The following SPOCK1 variants were observed in gnomAD, a reference collection of about 807,000 sequenced individuals.
SPOCK1 encodes SPARC (osteonectin), cwcv and kazal like domains proteoglycan 1.
In SPOCK1, 23 loss-of-function variants were observed where a neutral mutation model predicts 55.3. That is an observed-to-expected ratio of 0.42 (90% CI 0.30 to 0.59). The LOEUF (loss-of-function observed/expected upper bound fraction) is 0.59, where lower values mean the gene tolerates loss of function less well. SPOCK1 is among the 20% of genes least tolerant of loss of function. SPOCK1 has a pLI of 0.22. For synonymous variants in SPOCK1, 226 were observed against 221.0 expected (o/e 1.02, Z -0.20); for missense variants, 499 against 552.5 (o/e 0.90, Z 0.97).
intron 3 of SPOCK1, among the ~76,000 whole-genome samples, chr5:137,192,523 G>A (rs942448635): frequency 6.6e-6 from 1 of 152,172 alleles, no homozygotes; most frequent in African/African-American, 2.4e-5. Context: ...TGCCTCCCTG[G>A]CATCTGCCTG....
At chr5:137,419,102 G>C (rs950738798) in intron 2 of SPOCK1, among the ~76,000 whole-genome samples, 2 of 152,210 alleles carry the variant, frequency 1.3e-5, no homozygotes, top group African/African-American at 4.8e-5. Context: ...TCAAAGATCA[G>C]ATGGTTGTAG....
At chr5:137,089,022 G>A (rs1753009319) in intron 5 of SPOCK1, among the ~76,000 whole-genome samples, 1 of 152,180 alleles carries the variant, frequency 6.6e-6, no homozygotes, top group Non-Finnish European at 1.5e-5. Context: ...CGAGAGAGGA[G>A]GCCAGGAGAG....
chr5:137,378,022 G>A (rs377561555), intron 2 of SPOCK1, among the ~76,000 whole-genome samples: 335 of 133,350 alleles, frequency 2.5e-3, no homozygotes, highest in South Asian at 4.2e-3. Flanking sequence ...TTGGCTCACC[G>A]CAACCTCCGC....
At chr5:137,216,653 G>A (rs2127085044) in intron 3 of SPOCK1, among the ~76,000 whole-genome samples, 1 of 152,300 alleles carries the variant, frequency 6.6e-6, no homozygotes, top group African/African-American at 2.4e-5. Flanking sequence ...AGAGACTGCA[G>A]TGAGCCAAGA....
chr5:137,233,625 A>G (rs542091624), intron 3 of SPOCK1, among the ~76,000 whole-genome samples: 12 of 150,960 alleles, frequency 7.9e-5, no homozygotes, highest in African/African-American at 2.9e-4. Flanking sequence ...TCTTAAGTGT[A>G]TATCTAAATA....
In SPOCK1 at chr5:137,112,561, C is replaced by A. The variant is rs1235082417; in HGVS notation, c.348G>T (p.Arg116Ser). 1.9e-6 allele frequency: 3 copies of A among 1,612,156 alleles called. No individual in the cohort carries two copies. Among genetic ancestry groups the A allele is most frequent in the Non-Finnish European group, 2.5e-6 (3 of 1,179,586 alleles). ...TCTGGGCCACGTTCCCCTTCTTTTG[C>A]CTAAAGATGAGAAAAAAGGGGATAA... ...LCVSRKHLLP[R>S]QKKGNVAQKH... The change falls in exon 5 of 11, where the codon AGG (arginine) becomes AGT (serine). Residue 116 changes from arginine to serine, a missense_variant and splice_region_variant. Transcript: ENST00000394945.
intron 5 of SPOCK1, among the ~76,000 whole-genome samples, chr5:137,079,035 C>T (rs1249453891): frequency 1.3e-5 from 2 of 152,324 alleles, no homozygotes; most frequent in South Asian, 2.1e-4. Flanking sequence ...CACGCTTACT[C>T]CCCCTCGGTC....
chr5:137,497,475 T>C (rs1374743282), intron 2 of SPOCK1, among the ~76,000 whole-genome samples: 1 of 152,178 alleles, frequency 6.6e-6, no homozygotes, highest in African/African-American at 2.4e-5. Flanking sequence ...CCAAGTCCCC[T>C]AGAAGGGCAT....
At chr5:137,051,064 C>A (rs1290962042) in intron 6 of SPOCK1, among the ~76,000 whole-genome samples, 1 of 152,122 alleles carries the variant, frequency 6.6e-6, no homozygotes, top group East Asian at 1.9e-4. Flanking sequence ...TGAATATCGT[C>A]GGAGAGAATA....
chr5:137,180,867 C>T (rs115796233), intron 3 of SPOCK1, among the ~76,000 whole-genome samples: 1,523 of 152,224 alleles, frequency 0.01, 29 homozygotes, highest in African/African-American at 0.035. Context: ...TTCACCTGGT[C>T]CTCACAATGA....
intron 4 of SPOCK1, among the ~76,000 whole-genome samples, chr5:137,119,130 T>A (rs1753642322): frequency 6.6e-6 from 1 of 152,200 alleles, no homozygotes; most frequent in Admixed American, 6.5e-5. Context: ...ACCTGTCAGC[T>A]CAAAGGGATG....
At chr5:137,025,845 T>C (rs1054438720) in intron 6 of SPOCK1, among the ~76,000 whole-genome samples, 3 of 152,038 alleles carry the variant, frequency 2.0e-5, no homozygotes, top group Admixed American at 6.5e-5. Flanking sequence ...TAAATCTGAG[T>C]CCAAACCTGT....
Position 137,438,064 on chromosome 5 carries a change from T to C in SPOCK1, c.186+60309A>G, listed in dbSNP as rs142404061. ...CACTTAGCATAATGGCCCCAAGGTT[T>C]ATCCATGTTTTAGCATATGTCAGAA... is the stretch of plus-strand genomic sequence containing the variant. On this transcript the variant is annotated intron_variant, in intron 2 of 10. Coordinates refer to ENST00000394945, the MANE Select transcript of SPOCK1 (RefSeq NM_004598.4). 6.9e-3 allele frequency among the ~76,000 whole-genome samples: 1,057 copies of C among 152,306 alleles called. 8 individuals are homozygous for C. The highest frequency in any genetic ancestry group is 0.024 in the African/African-American group (998 of 41,562).
chr5:137,112,394 A>T (rs375446080), intron 5 of SPOCK1, 41 bp downstream of exon 5: 1 of 1,605,486 alleles, frequency 6.2e-7, no homozygotes, highest in Non-Finnish European at 8.5e-7. Context: ...ACAAGCCGAC[A>T]TGAAGTATTT....
In SPOCK1 at chr5:137,087,420, GA is replaced by G. The variant is rs759845865; in HGVS notation, c.475-19592del. Among the ~76,000 whole-genome samples, 11 of 152,358 alleles carry G rather than the reference GA, an allele frequency of 7.2e-5. No individual in the cohort carries two copies. In the East Asian group the frequency reaches 1.2e-3, roughly 16 times the overall value. On this transcript the variant is annotated intron_variant, in intron 5 of 10. Transcript: ENST00000394945. ...TGGGGTTGTACTAAGTGAGATCACAGAAGTAAAGTGCTTAGCACTGGGCAGC... is the reference window on the plus strand; with the variant it reads ...TGGGGTTGTACTAAGTGAGATCACAGAGTAAAGTGCTTAGCACTGGGCAGC...
Position 137,418,555 on chromosome 5 carries a change from C to T in SPOCK1, c.186+79818G>A, listed in dbSNP as rs374475578. On this transcript the variant is annotated intron_variant, in intron 2 of 10. Coordinates refer to ENST00000394945, the MANE Select transcript of SPOCK1 (RefSeq NM_004598.4). ...TTGATTTGCATTTCTCTGATGGCCA[C>T]TGATGATGAGCATTTTTTCATGTGT... Among the ~76,000 whole-genome samples, 1,122 of 152,230 alleles carry T rather than the reference C, an allele frequency of 7.4e-3. 8 individuals are homozygous for T. Among genetic ancestry groups the T allele is most frequent in the Non-Finnish European group, 0.013 (906 of 67,996 alleles).
intron 2 of SPOCK1, among the ~76,000 whole-genome samples, chr5:137,490,659 C>T (rs1236027430): frequency 6.6e-6 from 1 of 152,150 alleles, no homozygotes; most frequent in African/African-American, 2.4e-5. Flanking sequence ...AGTTGCATAA[C>T]GGGGCTCCCA....
intron 2 of SPOCK1, among the ~76,000 whole-genome samples, chr5:137,295,525 A>G (rs1422135107): frequency 6.6e-6 from 1 of 152,248 alleles, no homozygotes; most frequent in African/African-American, 2.4e-5. Flanking sequence ...TAAGAAAAAT[A>G]CAACTTTATC....
chr5:137,478,576 T>C (rs1753883327), intron 2 of SPOCK1, among the ~76,000 whole-genome samples: 1 of 152,180 alleles, frequency 6.6e-6, no homozygotes, highest in Non-Finnish European at 1.5e-5. Flanking sequence ...CAGCCCCTAG[T>C]ACATTTGAAC....
Sources: gnomAD v4.1 joint callset for allele counts (sites outside exome capture counted in the v4.1 genomes callset) on GRCh38, gnomAD v4.1.1 for gene constraint, MANE v1.5 for transcripts, NCBI Gene and HGNC (gene_info 2026-07-23, HGNC 2026-07-21) for gene names.